Variants in MAN1A2 observed in about 807,000 individuals in gnomAD.
MAN1A2 encodes the protein mannosidase alpha class 1A member 2, also known as mannosyl-oligosaccharide 1,2-alpha-mannosidase IB.
MAN1A2 carries 26 observed loss-of-function variants against 75.7 expected under a neutral mutation model. The ratio of observed to expected loss-of-function variants is 0.34; its 90% CI spans 0.25 to 0.48. The LOEUF (loss-of-function observed/expected upper bound fraction) is 0.48, where lower values mean the gene tolerates loss of function less well. Among genes scored for constraint, MAN1A2 ranks in the 20% least tolerant of loss-of-function variants. The pLI is 0.99. For synonymous variants in MAN1A2, 247 were observed against 264.6 expected (o/e 0.93, Z 0.65); for missense variants, 562 against 775.5 (o/e 0.72, Z 3.27).
At chr1:117,476,049 T>C (rs1201803418) in intron 8 of MAN1A2, among the ~76,000 whole-genome samples, 3 of 152,168 alleles carry the variant, frequency 2.0e-5, no homozygotes, top group African/African-American at 4.8e-5. Flanking sequence ...TTTTTAATGA[T>C]CGTCTTTCTA....
chr1:117,429,829 C>T (rs867606971), intron 5 of MAN1A2, among the ~76,000 whole-genome samples: 1,298 of 79,780 alleles, frequency 0.016, no homozygotes, highest in Middle Eastern at 0.035. Context: ...ACCTCCCTCC[C>T]GGAGGGGGCG....
chr1:117,456,814 T>A (rs944144454), intron 6 of MAN1A2, among the ~76,000 whole-genome samples: 2 of 152,074 alleles, frequency 1.3e-5, no homozygotes, highest in African/African-American at 4.8e-5. Context: ...CCAGTTTAGA[T>A]GATACAGAAT....
intron 8 of MAN1A2, among the ~76,000 whole-genome samples, chr1:117,489,391 C>T (rs1463058359): frequency 6.6e-6 from 1 of 151,974 alleles, no homozygotes; most frequent in East Asian, 1.9e-4. Flanking sequence ...ATCTAATGGA[C>T]AAAAATGGAA....
At chr1:117,490,554 A>G (rs1193401599) in intron 8 of MAN1A2, among the ~76,000 whole-genome samples, 1 of 152,078 alleles carries the variant, frequency 6.6e-6, no homozygotes, top group Non-Finnish European at 1.5e-5. Context: ...ATATAAGGCC[A>G]GTTAATAACC....
rs1647659085 is a variant in MAN1A2 at position 117,407,632 on chromosome 1, T to C, written c.655+1987T>C. Among the ~76,000 whole-genome samples the C allele has an allele frequency of 1.3e-5, 2 of 152,222 alleles. 1 individual carries two copies. The highest frequency in any genetic ancestry group is 4.1e-4 in the South Asian group (2 of 4,834). ...AACTGAGATAGGGGCTCCTCTGACT[T>C]CTGTCTAGTTAGTTCTTGGCATCAG... On this transcript the variant is annotated intron_variant, in intron 3 of 12. Coordinates refer to ENST00000356554, the MANE Select transcript of MAN1A2 (RefSeq NM_006699.5).
chr1:117,428,669 G>C (rs1489802681), intron 5 of MAN1A2, among the ~76,000 whole-genome samples: 1 of 151,660 alleles, frequency 6.6e-6, no homozygotes, highest in Non-Finnish European at 1.5e-5. Flanking sequence ...GTAAATGAAT[G>C]GGAAAAAAGA....
At chr1:117,409,067 T>G (rs1348108152) in intron 3 of MAN1A2, among the ~76,000 whole-genome samples, 1 of 152,134 alleles carries the variant, frequency 6.6e-6, no homozygotes, top group Non-Finnish European at 1.5e-5. Context: ...TATTGATCTT[T>G]TCAAAGAAAC....
At chr1:117,429,040 A>C (rs55708238) in intron 5 of MAN1A2, among the ~76,000 whole-genome samples, 31,672 of 145,078 alleles carry the variant, frequency 0.22, 4,703 homozygotes, top group East Asian at 0.42. Context: ...TCTGTTTAAC[A>C]AAGCATATCT....
chr1:117,506,425 A>C (rs546120808), intron 12 of MAN1A2, among the ~76,000 whole-genome samples: 281 of 151,702 alleles, frequency 1.9e-3, no homozygotes, highest in Middle Eastern at 3.4e-3. Context: ...TTTTTTCCCC[A>C]GAAGAGGCCA....
intron 4 of MAN1A2, among the ~76,000 whole-genome samples, chr1:117,417,708 T>G: frequency 1.9e-5 from 2 of 106,992 alleles, no homozygotes; most frequent in South Asian, 6.4e-4. Flanking sequence ...ACACACACAC[T>G]CTCTCTCTCT....
rs1652845212 is a variant in MAN1A2 at position 117,368,483 on chromosome 1, C to G, written c.300C>G (p.His100Gln). 1.9e-6 allele frequency: 3 copies of G among 1,602,324 alleles called. No individual in the cohort carries two copies. ...FLIHGPDEHR[H>Q]REEEERLRNK... is the part of the protein sequence containing the mutation. The stretch of plus-strand genomic sequence containing the variant: ...TCCATGGACCCGATGAACATAGACA[C>G]AGGTTTGTTTATTTCAGAAGTTCTG... The change falls in exon 1 of 13, where the codon CAC (histidine) becomes CAG (glutamine). Residue 100 changes from histidine (H) to glutamine (Q), a missense_variant and splice_region_variant. This residue lies in a region of MAN1A2 where 128 missense variants were observed against 129.8 expected (regional missense o/e 0.99). Transcript: ENST00000356554.
rs368004596 is a variant in MAN1A2, at chr1:117,417,559, G to A, written c.774+2728G>A. ...AATATATATATATATATATATATAT[G>A]TGATATATATGTTTTATAAAAATAC... is the stretch of plus-strand genomic sequence containing the variant. On this transcript the variant is annotated intron_variant, in intron 4 of 12. Transcript: ENST00000356554. 7.6e-3 allele frequency among the ~76,000 whole-genome samples: 311 copies of A among 40,754 alleles called. 2 individuals carry two copies. Among genetic ancestry groups the A allele is most frequent in the African/African-American group, 0.021 (175 of 8,414 alleles). The allele number at this position is 40,754 out of a possible 152,430, so 26.7% of individuals were successfully genotyped here. A position where few individuals can be genotyped will look rare whatever the true frequency, so the allele number is the denominator to read the frequency against.
At chr1:117,402,562 A>T in intron 2 of MAN1A2, 121 bp downstream of exon 2, 6 of 872,718 alleles carry the variant, frequency 6.9e-6, no homozygotes, top group Non-Finnish European at 9.7e-6. Context: ...GTTGTAGTAT[A>T]GTTTCCAGGT....
intron 11 of MAN1A2, among the ~76,000 whole-genome samples, chr1:117,502,547 T>G (rs1651234095): frequency 6.6e-6 from 1 of 151,664 alleles, no homozygotes; most frequent in Non-Finnish European, 1.5e-5. Context: ...GGACCTTTAT[T>G]TTGCCAGACA....
chr1:117,456,986 G>A (rs1373811888), intron 6 of MAN1A2, among the ~76,000 whole-genome samples: 1 of 151,894 alleles, frequency 6.6e-6, no homozygotes, highest in African/African-American at 2.4e-5. Flanking sequence ...TGCTTTTGTC[G>A]GAATGCATTT....
intron 8 of MAN1A2, among the ~76,000 whole-genome samples, chr1:117,485,421 C>CATAAACTCATAAT (rs1553239508): frequency 1.3e-5 from 2 of 151,808 alleles, no homozygotes; most frequent in African/African-American, 4.8e-5. Context: ...TATAAATAGG[C>CATAAACTCATAAT]ATAAACTCAT....
At chr1:117,503,116 T>C (rs2101883062) in intron 12 of MAN1A2, 146 bp downstream of exon 12, 2 of 520,864 alleles carry the variant, frequency 3.8e-6, no homozygotes, top group South Asian at 5.6e-5. Flanking sequence ...AATTTTTAGC[T>C]ACATCTCAAA....
chr1:117,398,242 G>A (rs961956691), intron 1 of MAN1A2, among the ~76,000 whole-genome samples: 2 of 152,138 alleles, frequency 1.3e-5, no homozygotes, highest in African/African-American at 4.8e-5. Flanking sequence ...CTGTATATTA[G>A]GGAGATTTGT....
At chr1:117,458,861 C>G (rs143214636) in intron 6 of MAN1A2, among the ~76,000 whole-genome samples, 1 of 152,128 alleles carries the variant, frequency 6.6e-6, no homozygotes, top group African/African-American at 2.4e-5. Flanking sequence ...AAAAATAAGA[C>G]AAGATCCTAG....
Sources: gnomAD v4.1 joint callset for allele counts (sites outside exome capture counted in the v4.1 genomes callset) on GRCh38, gnomAD v4.1.1 for gene constraint, gnomAD v4.1.1 regional missense constraint, MANE v1.5 for transcripts, NCBI Gene and HGNC (gene_info 2026-07-23, HGNC 2026-07-21) for gene names.